The following ARNT variants were observed in gnomAD, a reference collection of about 807,000 sequenced individuals.
ARNT encodes the protein aryl hydrocarbon receptor nuclear translocator.
A neutral mutation model predicts 105.0 loss-of-function variants in ARNT; 30 were observed. That is an observed-to-expected ratio of 0.29 (90% CI 0.21 to 0.39). The LOEUF (loss-of-function observed/expected upper bound fraction) is 0.39. ARNT is among the 10% of genes least tolerant of loss of function. The pLI is 1.00. For missense variants in ARNT, 748 were observed against 978.7 expected (o/e 0.76, Z 3.15); for synonymous variants, 304 against 344.0 (o/e 0.88, Z 1.29).
At chr1:150,851,085 C>T (rs1462374619) in intron 3 of ARNT, among the ~76,000 whole-genome samples, 3 of 151,168 alleles carry the variant, frequency 2.0e-5, no homozygotes, top group African/African-American at 7.3e-5. Flanking sequence ...GCCCCTCCGC[C>T]CCGCAGCCGC....
chr1:150,840,269 G>GA (rs893889713), intron 5 of ARNT, among the ~76,000 whole-genome samples: 4 of 150,224 alleles, frequency 2.7e-5, no homozygotes, highest in East Asian at 1.9e-4. Context: ...AAAAACAAGA[G>GA]AAAAAAAAAG....
chr1:150,852,491 G>A (rs948642520), intron 3 of ARNT, among the ~76,000 whole-genome samples: 2 of 152,218 alleles, frequency 1.3e-5, no homozygotes, highest in Non-Finnish European at 2.9e-5. Context: ...CCACAGAATT[G>A]AGAAATAACG....
intron 2 of ARNT, among the ~76,000 whole-genome samples, chr1:150,855,609 T>C (rs1450604810): frequency 1.3e-5 from 2 of 151,914 alleles, no homozygotes; most frequent in African/African-American, 4.8e-5. Flanking sequence ...TGTAACAATA[T>C]TTTTTTAAAG....
At chr1:150,860,748 C>T (rs1323849726) in intron 1 of ARNT, among the ~76,000 whole-genome samples, 6 of 151,676 alleles carry the variant, frequency 4.0e-5, no homozygotes, top group Non-Finnish European at 5.9e-5. Context: ...CCCAGCTACT[C>T]GGGAAGCTGA....
At chr1:150,849,271 T>A (rs1045505422) in intron 3 of ARNT, among the ~76,000 whole-genome samples, 9 of 152,148 alleles carry the variant, frequency 5.9e-5, no homozygotes, top group Non-Finnish European at 7.3e-5. Flanking sequence ...TCAAATCATT[T>A]TTTTTTCATT....
At chr1:150,862,364 C>T (rs929049730) in intron 1 of ARNT, among the ~76,000 whole-genome samples, 3 of 152,128 alleles carry the variant, frequency 2.0e-5, no homozygotes, top group African/African-American at 7.2e-5. Flanking sequence ...GCCTCATCCA[C>T]TGCATCAATT....
At position 150,839,464 on chromosome 1, in the gene ARNT, T is replaced by G. The variant is rs1311021347; in HGVS notation, c.463A>C (p.Lys155Gln). ...ACCTGATCAGTGAGGAAAGACGGCT[T>G]ATAGGAGCCATCAGTGGATGTGTTG... Reference protein sequence around the residue: ...TGNTSTDGSYKPSFLTDQELK... With the variant: ...TGNTSTDGSYQPSFLTDQELK... The change falls in exon 6 of 22, where the codon AAG becomes CAG. Residue 155 changes from lysine to glutamine, a missense_variant. By Grantham distance (53) the Lys-to-Gln change is moderately conservative. Transcript: ENST00000358595. 1 of 1,613,988 alleles carries G rather than the reference T, an allele frequency of 6.2e-7. No homozygotes were observed. The highest frequency in any genetic ancestry group is 1.1e-5 in the South Asian group (1 of 91,078).
chr1:150,875,138 G>T (rs904211176), intron 1 of ARNT, among the ~76,000 whole-genome samples: 1 of 152,088 alleles, frequency 6.6e-6, no homozygotes, highest in African/African-American at 2.4e-5. Flanking sequence ...TTCACAGATA[G>T]GTTATATTAC....
intron 1 of ARNT, among the ~76,000 whole-genome samples, chr1:150,868,902 A>T (rs1667023646): frequency 2.6e-5 from 4 of 151,192 alleles, no homozygotes; most frequent in Admixed American, 2.6e-4. Flanking sequence ...CGTCTCAAAA[A>T]ATAATAATAA....
intron 1 of ARNT, among the ~76,000 whole-genome samples, chr1:150,870,048 G>T (rs964930943): frequency 6.6e-6 from 1 of 152,100 alleles, no homozygotes; most frequent in African/African-American, 2.4e-5. Context: ...AAGTCACAAT[G>T]GAAAAAATCA....
chr1:150,834,698 G>A, intron 7 of ARNT, 58 bp from the exon 8 acceptor site: 7 of 1,446,646 alleles, frequency 4.8e-6, no homozygotes, highest in Non-Finnish European at 6.8e-6. Context: ...GGAAGAGGGG[G>A]AGAGATACTG....
chr1:150,850,527 G>A (rs1422937473), intron 3 of ARNT, among the ~76,000 whole-genome samples: 9 of 152,234 alleles, frequency 5.9e-5, no homozygotes, highest in Admixed American at 5.2e-4. Flanking sequence ...TGAGTGATCC[G>A]CCAGCCTCGG....
At chr1:150,858,231 TA>T (rs1342846646) in intron 2 of ARNT, 117 bp downstream of exon 2, 1 of 707,396 alleles carries the variant, frequency 1.4e-6, no homozygotes, top group African/African-American at 1.8e-5. Context: ...GTGTAGTAAG[TA>T]ATCAAGTTGA....
intron 6 of ARNT, among the ~76,000 whole-genome samples, chr1:150,837,311 T>G (rs921408597): frequency 1.3e-5 from 2 of 152,206 alleles, no homozygotes; most frequent in Non-Finnish European, 2.9e-5. Context: ...TCCTCTTACC[T>G]TTCAATTATT....
At chr1:150,832,213 T>A in intron 9 of ARNT, 121 bp downstream of exon 9, 3 of 990,596 alleles carry the variant, frequency 3.0e-6, no homozygotes. Flanking sequence ...GGATGTTAAG[T>A]GGGAGGTAAG....
At chr1:150,839,989 C>T (rs1044683848) in intron 5 of ARNT, among the ~76,000 whole-genome samples, 1 of 152,112 alleles carries the variant, frequency 6.6e-6, no homozygotes, top group East Asian at 1.9e-4. Context: ...GCCTGTAATC[C>T]CAGCACTTTG....
intron 5 of ARNT, 92 bp downstream of exon 5, chr1:150,842,331 CA>C: frequency 6.6e-7 from 1 of 1,513,668 alleles, no homozygotes; most frequent in East Asian, 2.4e-5. Flanking sequence ...AGGAAAAATA[CA>C]AAGAGAAAGG....
intron 1 of ARNT, among the ~76,000 whole-genome samples, chr1:150,858,887 T>C (rs934472948): frequency 2.6e-5 from 4 of 151,344 alleles, no homozygotes; most frequent in African/African-American, 4.9e-5. Context: ...CATCCCAAAG[T>C]GCTGGGATTA....
In ARNT at chr1:150,866,700, C is replaced by T. The variant is rs188777955; in HGVS notation, c.26-8240G>A. 5.9e-5 allele frequency among the ~76,000 whole-genome samples: 9 copies of T among 151,418 alleles called. No homozygotes were observed. In the East Asian group the frequency reaches 1.2e-3, roughly 20 times the overall value. The stretch of plus-strand genomic sequence containing the variant: ...ATGTATGTATACACACATACATATA[C>T]ACACACACACACGTATATTTGGCAA... On this transcript the variant is annotated intron_variant, in intron 1 of 21. Transcript: ENST00000358595.
Sources: allele counts gnomAD v4.1 joint callset (sites outside exome capture counted in the v4.1 genomes callset), GRCh38; gene constraint gnomAD v4.1.1; transcripts MANE v1.5; gene names NCBI Gene and HGNC (gene_info 2026-07-23, HGNC 2026-07-21).